Variants in NOC4L observed in about 807,000 individuals in gnomAD.
The protein encoded by NOC4L is nucleolar complex protein 4 homolog.
A neutral mutation model predicts 62.8 loss-of-function variants in NOC4L; 40 were observed. The ratio of observed to expected loss-of-function variants is 0.64; its 90% CI spans 0.49 to 0.83. The LOEUF is 0.83. NOC4L is among the 40% of genes least tolerant of loss of function. The pLI, the probability that NOC4L is intolerant of heterozygous loss-of-function variation, is 0.00. For synonymous variants in NOC4L, 433 were observed against 299.8 expected (o/e 1.44, Z -4.59); for missense variants, 927 against 701.9 (o/e 1.32, Z -3.62).
chr12:132,146,406 T>TTACG (rs1422840267), intron 3 of NOC4L: 1 of 449,372 alleles, frequency 2.2e-6, no homozygotes. Context: ...CCTTTGGCTG[T>TTACG]TACGAACAGC....
chr12:132,147,511 T>TCCTGTGGCC, intron 4 of NOC4L, 122 bp from the exon 5 acceptor site: 1 of 1,460,026 alleles, frequency 6.8e-7, no homozygotes, highest in Non-Finnish European at 9.2e-7. Context: ...CTCCTGTGGC[T>TCCTGTGGCC]CCTGTGGCCC....
At position 132,145,604 on chromosome 12, in the gene NOC4L, G is replaced by A. The variant is rs756158873; in HGVS notation, c.284G>A (p.Arg95His). ...AAGTACAAGGTGTGGATGAGACACC[G>A]CTATCACAGCTGCTGCAATCGCTTG... is the stretch of plus-strand genomic sequence containing the variant. Reference protein sequence around the residue: ...TRKYKVWMRHRYHSCCNRLGE... With the variant: ...TRKYKVWMRHHYHSCCNRLGE... Residue 95 changes from arginine (R) to histidine (H), a missense_variant, in exon 3 of 15, where the codon CGC (arginine) becomes CAC (histidine). Physicochemically the swap from Arg to His is conservative, Grantham distance 29. Coordinates refer to ENST00000330579, the MANE Select transcript of NOC4L (RefSeq NM_024078.3). 2.0e-5 allele frequency: 32 copies of A among 1,613,368 alleles called. No homozygotes were observed. Among genetic ancestry groups the A allele is most frequent in the Non-Finnish European group, 2.6e-5 (31 of 1,179,898 alleles).
chr12:132,146,932 C>T (rs113051306), intron 3 of NOC4L, among the ~76,000 whole-genome samples: 3 of 152,164 alleles, frequency 2.0e-5, no homozygotes, highest in East Asian at 1.9e-4. Context: ...TGGCATCACA[C>T]GCCTGTGTTT....
chr12:132,151,341 AC>A lies in NOC4L; in HGVS notation c.1048del (p.Leu350TrpfsTer28). The A allele has an allele frequency of 6.2e-7, 1 of 1,610,768 alleles. No individual in the cohort carries two copies. The highest frequency in any genetic ancestry group is 2.2e-5 in the East Asian group (1 of 44,846). On this transcript the variant is annotated frameshift_variant, in exon 11 of 15. Transcript: ENST00000330579. LOFTEE classifies it high-confidence loss of function. ...FHVKYRARFFHLADLFLSSSH... is the reference protein window; with the variant it reads ...FHVKYRARFFXLADLFLSSSH... ...GTCAAGTACCGCGCCCGCTTCTTCCACCTGGCTGACCTCTTCCTGTCCTCCT... is the reference window on the plus strand; with the variant it reads ...GTCAAGTACCGCGCCCGCTTCTTCCACTGGCTGACCTCTTCCTGTCCTCCT...
intron 10 of NOC4L, 41 bp from the exon 11 acceptor site, chr12:132,151,217 G>C (rs201795929): frequency 6.4e-7 from 1 of 1,557,576 alleles, no homozygotes; most frequent in African/African-American, 1.4e-5. Context: ...CTCAGTTCCC[G>C]GGCCCTGCTC....
At chr12:132,151,220 C>T (rs1422595523) in intron 10 of NOC4L, 38 bp from the exon 11 acceptor site, 1 of 1,562,960 alleles carries the variant, frequency 6.4e-7, no homozygotes, top group Non-Finnish European at 8.8e-7. Flanking sequence ...AGTTCCCGGG[C>T]CCTGCTCCAT....
In NOC4L at chr12:132,144,847, C is replaced by G. The variant is rs775689014; in HGVS notation, c.118-7C>G. The stretch of plus-strand genomic sequence containing the variant: ...GGCCGGGCACCCTGCCGCCGCCTCT[C>G]CTGCAGTCTGAGGACCAGGAGGAGA... On this transcript the variant is annotated splice_region_variant and splice_polypyrimidine_tract_variant and intron_variant, in intron 1 of 14. Coordinates refer to ENST00000330579, the MANE Select transcript of NOC4L (RefSeq NM_024078.3). 3 of 1,598,296 alleles carry G rather than the reference C, an allele frequency of 1.9e-6. No individual in the cohort carries two copies. Among genetic ancestry groups the G allele is most frequent in the Non-Finnish European group, 2.6e-6 (3 of 1,174,730 alleles).
rs113751761 is a variant in NOC4L at position 132,146,607 on chromosome 12, C to T, written c.346-674C>T. 4.3e-3 allele frequency among the ~76,000 whole-genome samples: 660 copies of T among 152,342 alleles called. 1 individual carries two copies. The highest frequency in any genetic ancestry group is 0.015 in the East Asian group (76 of 5,192). On this transcript the variant is annotated intron_variant, in intron 3 of 14. Coordinates refer to ENST00000330579, the MANE Select transcript of NOC4L (RefSeq NM_024078.3). ...CATTTGAGAGTTCCATACTCCACAT[C>T]CTCGCCAACACGTCTGTCTATAATT...
rs202227049 is a variant in NOC4L, at chr12:132,147,693, C to T, written c.514C>T (p.Arg172Trp). The change falls in exon 5 of 15, where the codon CGG becomes TGG. Residue 172 changes from arginine (R) to tryptophan (W), a missense_variant. Physicochemically the swap from Arg to Trp is moderately radical, Grantham distance 101 (BLOSUM62 -3). Coordinates refer to ENST00000330579, the MANE Select transcript of NOC4L (RefSeq NM_024078.3). ...CCAGAGCCTGCTCCTGTCCCAGTTC[C>T]GGGAGTACCTGGACTACGACGACAC... Reference protein sequence around the residue: ...EDQSLLLSQFREYLDYDDTRY... With the variant: ...EDQSLLLSQFWEYLDYDDTRY... 512 of 1,612,938 alleles carry T rather than the reference C, an allele frequency of 3.2e-4. 4 individuals are homozygous for T. The South Asian group carries it at 4.5e-3, about 14-fold the overall frequency.
chr12:132,150,941 G>T, intron 9 of NOC4L, 40 bp from the exon 10 acceptor site: 1 of 1,492,338 alleles, frequency 6.7e-7, no homozygotes, highest in Non-Finnish European at 9.2e-7. Context: ...GGGTGGGAGC[G>T]AGGTCACTGC....
At chr12:132,151,214 C>A in intron 10 of NOC4L, 44 bp from the exon 11 acceptor site, 2 of 1,548,154 alleles carry the variant, frequency 1.3e-6, no homozygotes, top group Non-Finnish European at 1.8e-6. Flanking sequence ...GGCCTCAGTT[C>A]CCGGGCCCTG....
At position 132,147,759 on chromosome 12, in the gene NOC4L, C is replaced by T. The variant is rs763825435; in HGVS notation, c.580C>T (p.Arg194Trp). 60 of 1,612,632 alleles carry T rather than the reference C, an allele frequency of 3.7e-5. No homozygotes were observed. The highest frequency in any genetic ancestry group is 1.6e-4 in the Middle Eastern group (1 of 6,082). The part of the protein sequence containing the change: ...TMQAAVDAVA[R>W]VTGQHPEVPP... ...GCAGGCAGCCGTGGATGCCGTGGCC[C>T]GGGTCACTGGCCAGCACCCCGAGGT... The change falls in exon 5 of 15, where the codon CGG becomes TGG. Residue 194 changes from arginine to tryptophan, a missense_variant. Coordinates refer to ENST00000330579, the MANE Select transcript of NOC4L (RefSeq NM_024078.3).
At position 132,152,067 on chromosome 12, in the gene NOC4L, C is replaced by T. The variant is rs573409087; in HGVS notation, c.1318-17C>T. ...GGGGCCTGGGGCAGCTGCCTCTTAACGGCCCTACTGCCCCAGGCCCTCCAG... is the reference window on the plus strand; with the variant it reads ...GGGGCCTGGGGCAGCTGCCTCTTAATGGCCCTACTGCCCCAGGCCCTCCAG... On this transcript the variant is annotated splice_polypyrimidine_tract_variant and intron_variant, in intron 13 of 14. Transcript: ENST00000330579. The T allele has an allele frequency of 6.4e-5, 94 of 1,472,604 alleles. No homozygotes were observed. The highest frequency in any genetic ancestry group is 5.6e-4 in the African/African-American group (39 of 69,954). The allele number at this position is 1,472,604 out of a possible 1,614,324, so 91.2% of individuals were successfully genotyped here.
intron 4 of NOC4L, 29 bp downstream of exon 4, chr12:132,147,417 G>A (rs1051069422): frequency 3.3e-5 from 50 of 1,521,200 alleles, no homozygotes; most frequent in Middle Eastern, 1.7e-4. Flanking sequence ...ACTCCCAGAG[G>A]GCCTGGCTGG....
intron 13 of NOC4L, 80 bp downstream of exon 13, chr12:132,151,900 TC>T: frequency 1.4e-6 from 2 of 1,422,302 alleles, no homozygotes; most frequent in East Asian, 2.4e-5. Flanking sequence ...CCGTGCCACC[TC>T]CCGCATAGCC....
chr12:132,147,194 A>G, intron 3 of NOC4L, 87 bp from the exon 4 acceptor site: 1 of 1,044,694 alleles, frequency 9.6e-7, no homozygotes, highest in Non-Finnish European at 1.3e-6. Context: ...CTGGGCCTAG[A>G]TGGGAGGGGC....
intron 11 of NOC4L, 57 bp from the exon 12 acceptor site, chr12:132,151,427 G>A (rs1872913928): frequency 2.0e-5 from 32 of 1,601,492 alleles, no homozygotes; most frequent in Non-Finnish European, 2.7e-5. Flanking sequence ...TGGGGCCAGG[G>A]GAGGGTGGTG....
chr12:132,146,929 A>G (rs1345456075), intron 3 of NOC4L, among the ~76,000 whole-genome samples: 1 of 152,100 alleles, frequency 6.6e-6, no homozygotes, highest in Non-Finnish European at 1.5e-5. Context: ...TGCTGGCATC[A>G]CACGCCTGTG....
intron 13 of NOC4L, 90 bp from the exon 14 acceptor site, chr12:132,151,994 C>T (rs950619606): frequency 3.7e-6 from 5 of 1,358,428 alleles, no homozygotes; most frequent in African/African-American, 1.5e-5. Context: ...CCGACCCCGC[C>T]CACTCTGGTT....
Sources: gnomAD v4.1 joint callset for allele counts (sites outside exome capture counted in the v4.1 genomes callset) on GRCh38, gnomAD v4.1.1 for gene constraint, MANE v1.5 for transcripts, NCBI Gene and HGNC (gene_info 2026-07-23, HGNC 2026-07-21) for gene names.